Variants in AGAP1 observed in about 807,000 individuals in gnomAD.
AGAP1 encodes the protein arf-GAP with GTPase, ANK repeat and PH domain-containing protein 1.
In AGAP1, 29 loss-of-function variants were observed where a neutral mutation model predicts 105.3. The observed-to-expected ratio is 0.28, with a 90% confidence interval of 0.21 to 0.38. AGAP1 has a LOEUF of 0.38. Ranked by LOEUF, AGAP1 falls within the 10% of genes least tolerant of loss-of-function variation. AGAP1 has a pLI of 1.00. For missense variants in AGAP1, 998 were observed against 1,165.1 expected, an observed-to-expected ratio of 0.86 and a Z score of 2.09; for synonymous variants, 509 against 485.9, an observed-to-expected ratio of 1.05 and a Z score of -0.63.
At chr2:235,527,306 C>T (rs536775052) in intron 1 of AGAP1, among the ~76,000 whole-genome samples, 22 of 152,196 alleles carry the variant, frequency 1.4e-4, no homozygotes, top group African/African-American at 2.9e-4. Flanking sequence ...GGCAAAACAC[C>T]GGAAAAATTG....
chr2:235,967,014 C>G lies in AGAP1; in HGVS notation c.1484-1448C>G, dbSNP rs1054862193. 2.6e-5 allele frequency among the ~76,000 whole-genome samples: 4 copies of G among 152,136 alleles called. No homozygotes were observed. The highest frequency in any genetic ancestry group is 2.0e-4 in the Admixed American group (3 of 15,286). On this transcript the variant is annotated intron_variant, in intron 12 of 17. Coordinates refer to ENST00000304032, the MANE Select transcript of AGAP1 (RefSeq NM_001037131.3). This position sits in a 1 kb window ranked among gnomAD's most constrained non-coding sequence, Gnocchi z 4.7. ...TTTCCATTATCTTTGTATTTGAAAT[C>G]ATGTCACTGTTCTGCTCAGAACCCT...
chr2:235,826,772 C>T (rs1559533953), intron 9 of AGAP1, among the ~76,000 whole-genome samples: 1 of 152,110 alleles, frequency 6.6e-6, no homozygotes, highest in African/African-American at 2.4e-5. Context: ...TGTTTTTTTG[C>T]AACATTAGCC....
In AGAP1 at chr2:235,620,109, C is replaced by T. The variant is rs1946428958; in HGVS notation, c.164-89070C>T. On this transcript the variant is annotated intron_variant, in intron 1 of 17. Transcript: ENST00000304032. This position sits in a 1 kb window ranked among gnomAD's most constrained non-coding sequence, Gnocchi z 4.5. ...TTCTTTGTCACAGCTGAAGCCCTCG[C>T]ATGCTGGAGACTTGTCATTCTTCTC... 6.6e-6 allele frequency among the ~76,000 whole-genome samples: 1 copy of T among 152,150 alleles called. No homozygotes were observed. Among genetic ancestry groups the T allele is most frequent in the East Asian group, 1.9e-4 (1 of 5,172 alleles).
At chr2:235,698,349 C>T (rs73124451) in intron 1 of AGAP1, among the ~76,000 whole-genome samples, 11,595 of 152,180 alleles carry the variant, frequency 0.076, 1,450 homozygotes, top group African/African-American at 0.26. Flanking sequence ...TACCAGTCCA[C>T]GTCCCTGCGG....
chr2:235,645,682 C>T (rs1947358720), intron 1 of AGAP1, among the ~76,000 whole-genome samples: 1 of 152,164 alleles, frequency 6.6e-6, no homozygotes, highest in Non-Finnish European at 1.5e-5. Flanking sequence ...ATGACCACCC[C>T]TTCCTGCAGA....
Position 235,889,099 on chromosome 2 carries a change from G to A in AGAP1, c.1155+5650G>A, listed in dbSNP as rs984358892. 5.9e-5 allele frequency among the ~76,000 whole-genome samples: 9 copies of A among 152,166 alleles called. No homozygotes were observed. The highest frequency in any genetic ancestry group is 2.9e-5 in the Non-Finnish European group (2 of 68,030). On this transcript the variant is annotated intron_variant, in intron 10 of 17. Transcript: ENST00000304032. This position sits in a 1 kb window ranked among gnomAD's most constrained non-coding sequence, Gnocchi z 4.6. The stretch of plus-strand genomic sequence containing the variant: ...TGAAAGATCGATCACCTTTGGACAC[G>A]AACTTCAAGTATCAGTCCCAGACAG...
chr2:235,725,521 A>C lies in AGAP1; in HGVS notation c.310+7877A>C, dbSNP rs1383476247. On this transcript the variant is annotated intron_variant, in intron 3 of 17. Transcript: ENST00000304032. The surrounding 1 kb of genome is among the most constrained non-coding windows in gnomAD (Gnocchi z 5.7). The stretch of plus-strand genomic sequence containing the variant: ...ATGTTCCAGTGGAAAAAAAAAAAAA[A>C]CACCTGTAATACTCCAGTAACATTT... Among the ~76,000 whole-genome samples the C allele has an allele frequency of 2.6e-5, 4 of 151,822 alleles. No individual in the cohort carries two copies. The highest frequency in any genetic ancestry group is 1.9e-4 in the East Asian group (1 of 5,148).
chr2:236,003,474 AT>A lies in AGAP1; in HGVS notation c.1646-33086del, dbSNP rs2056205869. Among the ~76,000 whole-genome samples, 1 of 152,162 alleles carries A rather than the reference AT, an allele frequency of 6.6e-6. No individual in the cohort carries two copies. Among genetic ancestry groups the A allele is most frequent in the African/African-American group, 2.4e-5 (1 of 41,434 alleles). ...CTGTGTGTGGTCGCACGTCCTCCTC[AT>A]GGCCACGCTGGGATGGAGGTGGACT... On this transcript the variant is annotated intron_variant, in intron 13 of 17. Transcript: ENST00000304032. The surrounding 1 kb of genome is among the most constrained non-coding windows in gnomAD (Gnocchi z 4.2).
intron 9 of AGAP1, among the ~76,000 whole-genome samples, chr2:235,857,351 G>T (rs562928832): frequency 1.3e-5 from 2 of 152,100 alleles, no homozygotes; most frequent in South Asian, 4.2e-4. Flanking sequence ...CTCCCTATCC[G>T]TGGAAAAATT....
intron 2 of AGAP1, among the ~76,000 whole-genome samples, chr2:235,711,462 G>A (rs903370060): frequency 1.3e-5 from 2 of 152,240 alleles, no homozygotes; most frequent in African/African-American, 4.8e-5. Context: ...GCCCAGAGCT[G>A]TAGGAGACAG....
chr2:235,594,789 G>A (rs1945464002), intron 1 of AGAP1, among the ~76,000 whole-genome samples: 1 of 151,322 alleles, frequency 6.6e-6, no homozygotes, highest in Non-Finnish European at 1.5e-5. Flanking sequence ...GACCAGGCTG[G>A]TCTTGGACTC....
At chr2:236,054,554 G>C (rs540801076) in intron 16 of AGAP1, among the ~76,000 whole-genome samples, 1 of 151,216 alleles carries the variant, frequency 6.6e-6, no homozygotes, top group Admixed American at 6.6e-5. Flanking sequence ...GCGATGACCA[G>C]AGTCCATCTG....
rs1224629069 is a variant in AGAP1 at position 235,655,220 on chromosome 2, T to C, written c.164-53959T>C. On this transcript the variant is annotated intron_variant, in intron 1 of 17. Coordinates refer to ENST00000304032, the MANE Select transcript of AGAP1 (RefSeq NM_001037131.3). The surrounding 1 kb of genome is among the most constrained non-coding windows in gnomAD (Gnocchi z 4.3). ...AATTAAATGTACAGAAGCTGGAAGG[T>C]AGACAGGTCGTTGTCTCCATTTTTG... Among the ~76,000 whole-genome samples the C allele has an allele frequency of 6.6e-6, 1 of 152,180 alleles. No homozygotes were observed. Among genetic ancestry groups the C allele is most frequent in the African/African-American group, 2.4e-5 (1 of 41,444 alleles).
At chr2:235,572,717 A>G (rs1458721443) in intron 1 of AGAP1, among the ~76,000 whole-genome samples, 4 of 152,230 alleles carry the variant, frequency 2.6e-5, no homozygotes, top group Non-Finnish European at 5.9e-5. Flanking sequence ...ATGCCACAGC[A>G]GCTGCCCTTA....
intron 10 of AGAP1, among the ~76,000 whole-genome samples, chr2:235,907,001 G>A (rs1022097959): frequency 6.6e-6 from 1 of 152,100 alleles, no homozygotes; most frequent in Non-Finnish European, 1.5e-5. Context: ...GGGCAACAGA[G>A]TGAGACTCTT....
intron 9 of AGAP1, among the ~76,000 whole-genome samples, chr2:235,835,315 A>G (rs1960012354): frequency 6.6e-6 from 1 of 152,204 alleles, no homozygotes; most frequent in Non-Finnish European, 1.5e-5. Context: ...CTGGTCTCAG[A>G]TAGTCTCCCC....
chr2:235,709,132 C>T (rs771990012), intron 1 of AGAP1, 47 bp from the exon 2 acceptor site: 4 of 1,603,464 alleles, frequency 2.5e-6, no homozygotes, highest in Non-Finnish European at 3.4e-6. Context: ...TTGACTTGGC[C>T]TTTACGTGAG....
intron 1 of AGAP1, among the ~76,000 whole-genome samples, chr2:235,704,746 A>C (rs1406050492): frequency 2.0e-5 from 3 of 152,180 alleles, no homozygotes; most frequent in Non-Finnish European, 2.9e-5. Flanking sequence ...TAGGGCGAGC[A>C]GGCTCTGAGC....
chr2:235,516,443 G>C (rs992604208), intron 1 of AGAP1, among the ~76,000 whole-genome samples: 1 of 152,280 alleles, frequency 6.6e-6, no homozygotes, highest in Non-Finnish European at 1.5e-5. Context: ...TCTAAGAAGA[G>C]TCCTCAAGTG....
Sources: allele counts gnomAD v4.1 joint callset (sites outside exome capture counted in the v4.1 genomes callset), GRCh38; gene constraint gnomAD v4.1.1; non-coding constraint Gnocchi (gnomAD v3.1); transcripts MANE v1.5; gene names NCBI Gene and HGNC (gene_info 2026-07-23, HGNC 2026-07-21).